The following NRXN3 variants were observed in gnomAD, a reference collection of about 807,000 sequenced individuals.
NRXN3 encodes the protein neurexin 3, also known as neurexin III.
In NRXN3, 32 loss-of-function variants were observed where a neutral mutation model predicts 137.6. That is an observed-to-expected ratio of 0.23 (90% CI 0.18 to 0.31). The LOEUF (loss-of-function observed/expected upper bound fraction) is 0.31. Among genes scored for constraint, NRXN3 ranks in the 10% least tolerant of loss-of-function variants. NRXN3 has a pLI of 1.00. For missense variants in NRXN3, 1,574 were observed against 2,062.5 expected (o/e 0.76, Z 4.59); for synonymous variants, 798 against 784.5 (o/e 1.02, Z -0.29).
Position 78,950,189 on chromosome 14 carries a change from C to T in NRXN3, c.2276-7053C>T, listed in dbSNP as rs117932690. On this transcript the variant is annotated intron_variant, in intron 10 of 20. Coordinates refer to ENST00000335750, the MANE Select transcript of NRXN3 (RefSeq NM_001330195.2). ...CAATATCCACAAAAGGATCTTCCTG[C>T]CTATCCCTGAGAAAATTGCCCTTAT... is the stretch of plus-strand genomic sequence containing the variant. 1.1e-4 allele frequency among the ~76,000 whole-genome samples: 16 copies of T among 152,242 alleles called. No homozygotes were observed. In the East Asian group the frequency reaches 2.9e-3, roughly 28 times the overall value.
At chr14:79,712,372 G>A (rs527927231) in intron 19 of NRXN3, among the ~76,000 whole-genome samples, 3 of 152,084 alleles carry the variant, frequency 2.0e-5, no homozygotes, top group Middle Eastern at 3.4e-3. Context: ...AAATTCTATC[G>A]CATTTCGATT....
intron 4 of NRXN3, among the ~76,000 whole-genome samples, chr14:78,628,293 A>G (rs1337966698): frequency 6.6e-6 from 1 of 152,094 alleles, no homozygotes; most frequent in Non-Finnish European, 1.5e-5. Flanking sequence ...CTGGTCTGGA[A>G]CTCCTGGCTT....
chr14:79,822,483 G>T (rs2099275560), intron 20 of NRXN3, among the ~76,000 whole-genome samples: 1 of 152,066 alleles, frequency 6.6e-6, no homozygotes, highest in Non-Finnish European at 1.5e-5. Context: ...GTTGGCAATG[G>T]TATGTCAGTC....
intron 15 of NRXN3, among the ~76,000 whole-genome samples, chr14:79,146,977 G>T (rs950875913): frequency 2.6e-5 from 4 of 152,090 alleles, no homozygotes; most frequent in Non-Finnish European, 4.4e-5. Context: ...TGGGCTTGAA[G>T]TTCTAATTAA....
At chr14:78,816,185 A>T (rs911542974) in intron 10 of NRXN3, among the ~76,000 whole-genome samples, 2 of 152,152 alleles carry the variant, frequency 1.3e-5, no homozygotes, top group Admixed American at 6.5e-5. Context: ...ATATTAATTC[A>T]GATTGGTTTA....
chr14:78,506,092 T>C lies in NRXN3; in HGVS notation c.758-139028T>C, dbSNP rs376474095. ...ATAGCAGATCTCTAAAATTTATTCA[T>C]TGAGCCTATATCCATTGAACAATTC... is the stretch of plus-strand genomic sequence containing the variant. On this transcript the variant is annotated intron_variant, in intron 4 of 20. Transcript: ENST00000335750. 4.1e-4 allele frequency among the ~76,000 whole-genome samples: 62 copies of C among 152,294 alleles called. No individual in the cohort carries two copies. The East Asian group carries it at 8.7e-3, about 21-fold the overall frequency.
At chr14:79,011,245 C>T (rs1594884769) in intron 15 of NRXN3, among the ~76,000 whole-genome samples, 2 of 152,022 alleles carry the variant, frequency 1.3e-5, no homozygotes, top group East Asian at 3.9e-4. Context: ...GACTGGAGAT[C>T]CAAGCAAACA....
At chr14:79,125,038 G>A (rs2056152338) in intron 15 of NRXN3, among the ~76,000 whole-genome samples, 1 of 152,094 alleles carries the variant, frequency 6.6e-6, no homozygotes, top group Non-Finnish European at 1.5e-5. Flanking sequence ...TTTTTGTAAT[G>A]TGTTTATACA....
In NRXN3 at chr14:78,243,699, T is replaced by C. The variant is rs2067292048; in HGVS notation, c.606T>C (p.Cys202=). ...TCCAGATGGATGCCGAGGGACCCTG[T>C]GGTGAGCGTCCCTGTGAAAATGGTG... ...RGVQMDAEGP[C]GERPCENGGI... The change falls in exon 2 of 21, where the codon TGT becomes TGC. Residue 202 remains cysteine, a synonymous_variant. Transcript: ENST00000335750. This position sits in a 1 kb window ranked among gnomAD's most constrained non-coding sequence, Gnocchi z 4.2. 1 of 1,598,246 alleles carries C rather than the reference T, an allele frequency of 6.3e-7. No homozygotes were observed. The highest frequency in any genetic ancestry group is 1.1e-5 in the South Asian group (1 of 91,086).
At chr14:79,580,159 A>G (rs2097701041) in intron 16 of NRXN3, among the ~76,000 whole-genome samples, 1 of 152,186 alleles carries the variant, frequency 6.6e-6, no homozygotes, top group Non-Finnish European at 1.5e-5. Flanking sequence ...TCATATATAT[A>G]TCACATATTT....
At chr14:79,708,079 A>G (rs969340129) in intron 19 of NRXN3, among the ~76,000 whole-genome samples, 3 of 152,176 alleles carry the variant, frequency 2.0e-5, no homozygotes, top group African/African-American at 7.2e-5. Flanking sequence ...CTTCTATGTA[A>G]AAGGTAGATT....
At chr14:79,698,041 A>G in intron 19 of NRXN3, 104 bp downstream of exon 19, 1 of 1,036,780 alleles carries the variant, frequency 9.6e-7, no homozygotes, top group South Asian at 1.6e-5. Flanking sequence ...TTACTATGTA[A>G]GAAGGATGCT....
intron 11 of NRXN3, among the ~76,000 whole-genome samples, chr14:78,962,373 G>A (rs1268680454): frequency 6.6e-6 from 1 of 152,046 alleles, no homozygotes; most frequent in African/African-American, 2.4e-5. Context: ...AGTAGTCTTG[G>A]TTTTGGCTTG....
chr14:78,871,952 G>A (rs1048514669), intron 10 of NRXN3, among the ~76,000 whole-genome samples: 3 of 151,750 alleles, frequency 2.0e-5, no homozygotes, highest in African/African-American at 7.3e-5. Flanking sequence ...ACATATAAAT[G>A]TGTAAAAACA....
At chr14:79,721,914 T>C (rs1441045440) in intron 19 of NRXN3, among the ~76,000 whole-genome samples, 3 of 152,096 alleles carry the variant, frequency 2.0e-5, no homozygotes, top group Admixed American at 2.0e-4. Context: ...TACTCACTTT[T>C]AATCCCTAGG....
chr14:78,792,315 A>C (rs896651953), intron 8 of NRXN3, among the ~76,000 whole-genome samples: 2 of 147,558 alleles, frequency 1.4e-5, no homozygotes, highest in African/African-American at 4.9e-5. Flanking sequence ...CACATAACTA[A>C]TTTGAAATAA....
At chr14:78,637,759 C>T (rs1311274765) in intron 4 of NRXN3, among the ~76,000 whole-genome samples, 5 of 152,192 alleles carry the variant, frequency 3.3e-5, no homozygotes, top group Non-Finnish European at 7.3e-5. Context: ...AATCCGTTGT[C>T]AGGGCCTGGC....
At chr14:78,914,938 C>T (rs1029866179) in intron 10 of NRXN3, among the ~76,000 whole-genome samples, 2 of 152,046 alleles carry the variant, frequency 1.3e-5, no homozygotes, top group African/African-American at 4.8e-5. Flanking sequence ...TTCAAGTAAG[C>T]CTCTTTCTCT....
In NRXN3 at chr14:79,867,503, C is replaced by T. The variant is rs1374112012; in HGVS notation, c.*5539C>T. 1 of 152,150 alleles carries T rather than the reference C, an allele frequency of 6.6e-6. No individual in the cohort carries two copies. Among genetic ancestry groups the T allele is most frequent in the Non-Finnish European group, 1.5e-5 (1 of 68,040 alleles). The allele number at this position is 152,150 out of a possible 1,614,324, so 9.4% of individuals were successfully genotyped here. ...TGCACTGAGAGATTTCTTTTTCTTG[C>T]TCTTCTTATAAGACCACCAGTGCTA... On this transcript the variant is annotated 3_prime_UTR_variant, in exon 21 of 21. Coordinates refer to ENST00000335750, the MANE Select transcript of NRXN3 (RefSeq NM_001330195.2).
Sources: gnomAD v4.1 joint callset for allele counts (sites outside exome capture counted in the v4.1 genomes callset) on GRCh38, gnomAD v4.1.1 for gene constraint, Gnocchi (gnomAD v3.1) non-coding constraint, MANE v1.5 for transcripts, NCBI Gene and HGNC (gene_info 2026-07-23, HGNC 2026-07-21) for gene names.